The following THSD7B variants were observed in gnomAD, a reference collection of about 807,000 sequenced individuals.
THSD7B encodes thrombospondin type 1 domain containing 7B.
In THSD7B, 138 loss-of-function variants were observed where a neutral mutation model predicts 213.6. That is an observed-to-expected ratio of 0.65 (90% CI 0.56 to 0.74). The LOEUF (loss-of-function observed/expected upper bound fraction) is 0.74. THSD7B is among the 30% of genes least tolerant of loss of function. The probability of loss-of-function intolerance (pLI) is 0.00; values close to 1 mark genes in which losing one functional copy is unlikely to be tolerated. For missense variants in THSD7B, 1,931 were observed against 1,991.5 expected (o/e 0.97, Z 0.58); for synonymous variants, 742 against 687.0 (o/e 1.08, Z -1.25).
chr2:137,061,441 C>T (rs867010596), intron 3 of THSD7B, among the ~76,000 whole-genome samples: 2 of 147,648 alleles, frequency 1.4e-5, no homozygotes, highest in Admixed American at 6.7e-5. Flanking sequence ...TTTTTTTGTA[C>T]TGGGAAAGAA....
chr2:137,569,922 T>G (rs1011219980), intron 16 of THSD7B, among the ~76,000 whole-genome samples: 2 of 152,042 alleles, frequency 1.3e-5, no homozygotes, highest in African/African-American at 2.4e-5. Flanking sequence ...ACCAGAAGTC[T>G]TCCCTCTTCT....
chr2:137,640,680 T>C (rs1682922625), intron 20 of THSD7B, among the ~76,000 whole-genome samples: 1 of 152,242 alleles, frequency 6.6e-6, no homozygotes, highest in Non-Finnish European at 1.5e-5. Flanking sequence ...TGGGTTGTTA[T>C]CACTATTAAA....
intron 7 of THSD7B, among the ~76,000 whole-genome samples, chr2:137,202,710 T>C (rs1316555116): frequency 5.3e-5 from 8 of 152,162 alleles, no homozygotes; most frequent in Non-Finnish European, 1.0e-4. Context: ...GCTCCATGAG[T>C]TGACACAGAT....
In THSD7B at chr2:137,639,178, G is replaced by T. The variant is rs181395098; in HGVS notation, c.3800-3310G>T. 3.4e-4 allele frequency among the ~76,000 whole-genome samples: 51 copies of T among 152,146 alleles called. No homozygotes were observed. In the East Asian group the frequency reaches 9.7e-3, roughly 29 times the overall value. Reference sequence around the variant, plus strand: ...GCCTGGAGTCCCAGCAGGAAAAGTGGTTTTGTGGGCCTCGGGACTTGGTGC... The same window carrying T: ...GCCTGGAGTCCCAGCAGGAAAAGTGTTTTTGTGGGCCTCGGGACTTGGTGC... On this transcript the variant is annotated intron_variant, in intron 20 of 27. Coordinates refer to ENST00000409968, the MANE Select transcript of THSD7B (RefSeq NM_001316349.2).
intron 15 of THSD7B, among the ~76,000 whole-genome samples, chr2:137,493,528 A>C (rs1679482822): frequency 6.6e-6 from 1 of 152,160 alleles, no homozygotes. Context: ...AAGAGAGGGC[A>C]CTCATGGCGC....
intron 2 of THSD7B, among the ~76,000 whole-genome samples, chr2:136,975,559 AT>A (rs1356358390): frequency 3.9e-5 from 6 of 152,286 alleles, no homozygotes; most frequent in Admixed American, 1.3e-4. Flanking sequence ...CTGTTTTTGC[AT>A]CAGTACCATG....
In THSD7B at chr2:137,089,291, T is replaced by TATATGTGTGTGTATATGTATATATAC. The variant is rs1558916498; in HGVS notation, c.951-5578_951-5577insGTGTGTGTATATGTATATATACATAT. On this transcript the variant is annotated intron_variant, in intron 3 of 27. Coordinates refer to ENST00000409968, the MANE Select transcript of THSD7B (RefSeq NM_001316349.2). ...GTGTGTGTGTATATGTATATATACA[T>TATATGTGTGTGTATATGTATATATAC]ATATATGTGTGTGTATATGTATATA... Among the ~76,000 whole-genome samples the TATATGTGTGTGTATATGTATATATAC allele has an allele frequency of 1.1e-3, 132 of 124,152 alleles. 7 individuals carry two copies. Among genetic ancestry groups the TATATGTGTGTGTATATGTATATATAC allele is most frequent in the African/African-American group, 5.4e-3 (127 of 23,350 alleles). 81.4% of individuals were successfully genotyped at this position (124,152 alleles called of 152,430 possible).
intron 6 of THSD7B, among the ~76,000 whole-genome samples, chr2:137,162,372 T>C (rs1054196179): frequency 2.0e-5 from 3 of 152,342 alleles, no homozygotes; most frequent in South Asian, 2.1e-4. Flanking sequence ...TTTTATGTCA[T>C]GTCCTCATTC....
chr2:137,071,329 T>G (rs186502633), intron 3 of THSD7B, among the ~76,000 whole-genome samples: 39 of 152,370 alleles, frequency 2.6e-4, no homozygotes, highest in African/African-American at 9.1e-4. Flanking sequence ...CATTTCTTCA[T>G]GTGTCTTTTG....
chr2:137,013,286 G>T (rs543302692), intron 2 of THSD7B, among the ~76,000 whole-genome samples: 2 of 152,312 alleles, frequency 1.3e-5, no homozygotes, highest in South Asian at 2.1e-4. Context: ...GGCAAAGAAA[G>T]ATGGTGATCC....
At chr2:136,837,708 G>T (rs572810297) in intron 1 of THSD7B, among the ~76,000 whole-genome samples, 7 of 152,134 alleles carry the variant, frequency 4.6e-5, no homozygotes, top group African/African-American at 1.7e-4. Context: ...TCTAGAATAT[G>T]GTGATGAATG....
At chr2:136,860,231 G>T (rs907280997) in intron 1 of THSD7B, among the ~76,000 whole-genome samples, 2 of 152,002 alleles carry the variant, frequency 1.3e-5, no homozygotes, top group Non-Finnish European at 2.9e-5. Context: ...AAAGGAGACA[G>T]CGATGCGAGT....
At chr2:137,642,757 A>G in intron 21 of THSD7B, 124 bp downstream of exon 21, 1 of 1,154,460 alleles carries the variant, frequency 8.7e-7, no homozygotes, top group South Asian at 1.6e-5. Context: ...TGTATTTTTA[A>G]TGCAATGCAG....
chr2:137,298,650 G>A (rs1683524633), intron 12 of THSD7B, among the ~76,000 whole-genome samples: 2 of 152,130 alleles, frequency 1.3e-5, no homozygotes, highest in Non-Finnish European at 2.9e-5. Flanking sequence ...GGGACTTAGT[G>A]CCCTGTGTCC....
intron 10 of THSD7B, among the ~76,000 whole-genome samples, chr2:137,264,627 GAA>G (rs1682536799): frequency 6.6e-6 from 1 of 151,840 alleles, no homozygotes. Context: ...GCTCCTTTTT[GAA>G]TAAATGCCAA....
chr2:137,668,928 A>T (rs1173133725), intron 27 of THSD7B, among the ~76,000 whole-genome samples: 2 of 152,066 alleles, frequency 1.3e-5, no homozygotes, highest in Non-Finnish European at 2.9e-5. Context: ...TGTTTGCCTT[A>T]TTGTCTCAGG....
rs186071357 is a variant in THSD7B at position 137,002,014 on chromosome 2, C to T, written c.140-54406C>T. Among the ~76,000 whole-genome samples the T allele has an allele frequency of 1.0e-3, 154 of 152,008 alleles. 1 individual carries two copies. Among genetic ancestry groups the T allele is most frequent in the African/African-American group, 3.7e-3 (153 of 41,454 alleles). On this transcript the variant is annotated intron_variant, in intron 2 of 27. Transcript: ENST00000409968. ...ATCTACAGGACCCTATTTTCTTTCC[C>T]ATCTAATTACTGTTATTTCTCTCTG...
intron 20 of THSD7B, among the ~76,000 whole-genome samples, 156 bp downstream of exon 20, chr2:137,620,882 A>T (rs1287675190): frequency 2.0e-5 from 3 of 152,226 alleles, no homozygotes; most frequent in Non-Finnish European, 4.4e-5. Flanking sequence ...GCCTCATATC[A>T]GTCCAGGAGA....
At chr2:137,387,770 A>G (rs1293988276) in intron 12 of THSD7B, among the ~76,000 whole-genome samples, 2 of 152,194 alleles carry the variant, frequency 1.3e-5, no homozygotes, top group Non-Finnish European at 2.9e-5. Flanking sequence ...AATTTTCTGT[A>G]ATACCATATT....
Sources: allele counts gnomAD v4.1 joint callset (sites outside exome capture counted in the v4.1 genomes callset), GRCh38; gene constraint gnomAD v4.1.1; transcripts MANE v1.5; gene names NCBI Gene and HGNC (gene_info 2026-07-23, HGNC 2026-07-21).